The following SASH1 variants were observed in gnomAD, a reference collection of about 807,000 sequenced individuals.
SASH1 encodes the protein SAM and SH3 domain containing 1.
A neutral mutation model predicts 125.2 loss-of-function variants in SASH1; 44 were observed. The ratio of observed to expected loss-of-function variants is 0.35; its 90% CI spans 0.28 to 0.45. SASH1 has a LOEUF of 0.45. SASH1 is among the 20% of genes least tolerant of loss of function. The probability of loss-of-function intolerance (pLI) is 1.00; values close to 1 mark genes in which losing one functional copy is unlikely to be tolerated. For missense variants in SASH1, 1,426 were observed against 1,614.5 expected (o/e 0.88, Z 2.00); for synonymous variants, 639 against 649.1 (o/e 0.98, Z 0.24).
the SASH1 span, among the ~76,000 whole-genome samples, chr6:148,213,376 A>C: frequency 1.6e-4 from 25 of 152,234 alleles, no homozygotes; most frequent in Non-Finnish European, 2.8e-4. Flanking sequence ...GGAATAAGTA[A>C]ATTTTCTGTG....
chr6:148,236,863 G>C, the SASH1 span, among the ~76,000 whole-genome samples: 1 of 152,202 alleles, frequency 6.6e-6, no homozygotes, highest in Admixed American at 6.5e-5. Flanking sequence ...CTCATGGGAG[G>C]TGTTTAGATC....
chr6:148,393,832 T>A, intron 2 of SASH1: 3 of 507,226 alleles, frequency 5.9e-6, no homozygotes, highest in Non-Finnish European at 7.6e-6. Context: ...GTTCATTCTT[T>A]AAATTGTAGT....
the SASH1 span, among the ~76,000 whole-genome samples, chr6:148,252,726 G>A: frequency 5.3e-5 from 8 of 152,146 alleles, no homozygotes; most frequent in African/African-American, 1.4e-4. Context: ...TGATCCATCC[G>A]CCTCGGCCGC....
At chr6:148,231,942 A>G in the SASH1 span, among the ~76,000 whole-genome samples, 1 of 151,134 alleles carries the variant, frequency 6.6e-6, no homozygotes, top group Non-Finnish European at 1.5e-5. Flanking sequence ...TACCTAATTA[A>G]TCGTCCAACC....
At chr6:148,287,665 C>G (rs1779516236) in intron 1 of SASH1, among the ~76,000 whole-genome samples, 1 of 149,396 alleles carries the variant, frequency 6.7e-6, no homozygotes, top group Non-Finnish European at 1.5e-5. Context: ...TGTGTGTGTA[C>G]ATGCCTGTAA....
chr6:148,268,606 T>G (rs1778993874), upstream of SASH1, among the ~76,000 whole-genome samples: 1 of 152,210 alleles, frequency 6.6e-6, no homozygotes, highest in Non-Finnish European at 1.5e-5. Context: ...CATGTTGTCA[T>G]TGAAAAGTTA....
intron 1 of SASH1, among the ~76,000 whole-genome samples, chr6:148,298,088 C>A (rs1779811596): frequency 6.7e-6 from 1 of 149,828 alleles, no homozygotes; most frequent in Admixed American, 6.7e-5. Context: ...CTCGCTGCAA[C>A]CTCTGCCTCC....
chr6:148,504,530 C>A lies in SASH1; in HGVS notation c.730-9794C>A, dbSNP rs112651924. On this transcript the variant is annotated intron_variant, in intron 8 of 19. Coordinates refer to ENST00000367467, the MANE Select transcript of SASH1 (RefSeq NM_015278.5). ...CCCAGAGAACAGGACCAGCAGTGGC[C>A]TTCCCTCACAAAGTCTATCTCCCAA... Among the ~76,000 whole-genome samples, 1,198 of 152,266 alleles carry A rather than the reference C, an allele frequency of 7.9e-3. 17 individuals are homozygous for A. The highest frequency in any genetic ancestry group is 0.026 in the African/African-American group (1,072 of 41,558).
intron 1 of SASH1, among the ~76,000 whole-genome samples, chr6:148,284,719 A>C (rs1779437862): frequency 6.6e-6 from 1 of 152,202 alleles, no homozygotes; most frequent in Non-Finnish European, 1.5e-5. Flanking sequence ...CAACTCATAG[A>C]AGTAGCTTAA....
chr6:148,456,883 A>AATAATAATAATAATG (rs1777380008), intron 4 of SASH1, among the ~76,000 whole-genome samples: 1 of 148,980 alleles, frequency 6.7e-6, no homozygotes, highest in Non-Finnish European at 1.5e-5. Context: ...CAATAATAAT[A>AATAATAATAATAATG]ATAATAATAA....
chr6:148,317,065 A>G (rs1187137056), intron 1 of SASH1, among the ~76,000 whole-genome samples: 1 of 152,254 alleles, frequency 6.6e-6, no homozygotes, highest in Non-Finnish European at 1.5e-5. Flanking sequence ...AGAAATAGCC[A>G]ACAGCACAAA....
intron 1 of SASH1, among the ~76,000 whole-genome samples, chr6:148,277,056 T>A (rs1211095460): frequency 6.6e-6 from 1 of 152,102 alleles, no homozygotes; most frequent in Non-Finnish European, 1.5e-5. Context: ...GGTAGACACA[T>A]AAAAATCCCT....
At chr6:148,548,146 A>G in intron 19 of SASH1, 149 bp from the exon 20 acceptor site, 1 of 682,924 alleles carries the variant, frequency 1.5e-6, no homozygotes, top group Non-Finnish European at 2.3e-6. Flanking sequence ...TTTTCCTGCT[A>G]GTCTTGATCT....
chr6:148,209,549 C>G, the SASH1 span, among the ~76,000 whole-genome samples: 79 of 152,330 alleles, frequency 5.2e-4, no homozygotes, highest in African/African-American at 1.8e-3. Flanking sequence ...CTGGGCCACA[C>G]AGGCCAAGTG....
At chr6:148,370,593 G>GGCAGATCTGC (rs1485626165) in intron 1 of SASH1, among the ~76,000 whole-genome samples, 1 of 152,138 alleles carries the variant, frequency 6.6e-6, no homozygotes, top group Non-Finnish European at 1.5e-5. Flanking sequence ...GGAAGCCAAG[G>GGCAGATCTGC]TGGGCAGATC....
chr6:148,472,371 G>A lies in SASH1; in HGVS notation c.514+868G>A, dbSNP rs775868877. 1.7e-4 allele frequency among the ~76,000 whole-genome samples: 25 copies of A among 151,372 alleles called. 1 individual carries two copies. Among genetic ancestry groups the A allele is most frequent in the Non-Finnish European group, 4.4e-5 (3 of 67,920 alleles). ...TTCCACTTGGTTCTTTTTTCAAGTT[G>A]TCCTACTTTTAAGCATTCCCAGTTT... On this transcript the variant is annotated intron_variant, in intron 6 of 19. Coordinates refer to ENST00000367467, the MANE Select transcript of SASH1 (RefSeq NM_015278.5).
At chr6:148,333,982 C>T (rs1332667021) in intron 1 of SASH1, among the ~76,000 whole-genome samples, 1 of 151,824 alleles carries the variant, frequency 6.6e-6, no homozygotes, top group Non-Finnish European at 1.5e-5. Flanking sequence ...ACCACCACGA[C>T]TGGCTAATTT....
chr6:148,491,275 TGTTGTTGTTGTTGAGACGGA>T (rs1400665967), intron 8 of SASH1, among the ~76,000 whole-genome samples: 19 of 152,278 alleles, frequency 1.2e-4, no homozygotes, highest in African/African-American at 4.6e-4. Context: ...CATTCTTTTT[TGTTGTTGTTGTTGAGACGGA>T]GTCTCACTCC....
intron 1 of SASH1, among the ~76,000 whole-genome samples, chr6:148,361,483 T>C (rs973837146): frequency 6.6e-6 from 1 of 151,902 alleles, no homozygotes; most frequent in African/African-American, 2.4e-5. Context: ...ATGCCTGTAG[T>C]CCCAGCTACT....
Sources: gnomAD v4.1 joint callset for allele counts (sites outside exome capture counted in the v4.1 genomes callset) on GRCh38, gnomAD v4.1.1 for gene constraint, MANE v1.5 for transcripts, NCBI Gene and HGNC (gene_info 2026-07-23, HGNC 2026-07-21) for gene names.